Variants in SCN7A observed in about 807,000 individuals in gnomAD.
The protein encoded by SCN7A is sodium channel protein type 7 subunit alpha.
Under a neutral mutation model 155.2 loss-of-function variants are expected in SCN7A, and 138 were observed. The observed-to-expected ratio is 0.89, with a 90% confidence interval of 0.77 to 1.02. SCN7A has a LOEUF of 1.02. SCN7A is among the 50% of genes least tolerant of loss of function. The probability of loss-of-function intolerance (pLI) is 0.00; values close to 1 mark genes in which losing one functional copy is unlikely to be tolerated. For synonymous variants in SCN7A, 693 were observed against 649.0 expected (o/e 1.07, Z -1.03); for missense variants, 2,058 against 1,986.6 (o/e 1.04, Z -0.68).
chr2:166,417,444 G>C (rs1222975098), intron 20 of SCN7A, among the ~76,000 whole-genome samples: 1 of 152,122 alleles, frequency 6.6e-6, no homozygotes, highest in Non-Finnish European at 1.5e-5. Context: ...CTGAACTCCA[G>C]CATGGGCAAC....
chr2:166,470,790 T>C, intron 6 of SCN7A, 84 bp from the exon 7 acceptor site: 1 of 1,205,556 alleles, frequency 8.3e-7, no homozygotes, highest in Non-Finnish European at 1.1e-6. Flanking sequence ...TTGAAACTTA[T>C]TTTTAAAACC....
At chr2:166,485,888 A>G (rs1015424309) in intron 2 of SCN7A, among the ~76,000 whole-genome samples, 4 of 152,150 alleles carry the variant, frequency 2.6e-5, no homozygotes, top group African/African-American at 9.7e-5. Context: ...CTGGAATTCT[A>G]TTTCTAGTGG....
At chr2:166,460,505 G>A (rs905778518) in intron 10 of SCN7A, among the ~76,000 whole-genome samples, 4 of 152,072 alleles carry the variant, frequency 2.6e-5, no homozygotes, top group East Asian at 3.9e-4. Context: ...GAAAATAACC[G>A]GACAAGCAAC....
intron 2 of SCN7A, among the ~76,000 whole-genome samples, chr2:166,481,773 A>G (rs1355339096): frequency 2.0e-5 from 3 of 152,306 alleles, no homozygotes; most frequent in South Asian, 4.1e-4. Context: ...TGGAGAATGT[A>G]TAGTTGAGGT....
intron 2 of SCN7A, among the ~76,000 whole-genome samples, chr2:166,485,354 C>G (rs1304715157): frequency 6.6e-6 from 1 of 152,072 alleles, no homozygotes; most frequent in Non-Finnish European, 1.5e-5. Context: ...AAGGAACAGT[C>G]TAAGACATTA....
chr2:166,485,070 A>G (rs1211587062), intron 2 of SCN7A, among the ~76,000 whole-genome samples: 1 of 152,150 alleles, frequency 6.6e-6, no homozygotes, highest in Non-Finnish European at 1.5e-5. Flanking sequence ...TAATCAATGA[A>G]CTACTAATAC....
chr2:166,455,338 G>T (rs535122588), intron 11 of SCN7A, among the ~76,000 whole-genome samples: 2 of 151,806 alleles, frequency 1.3e-5, no homozygotes, highest in African/African-American at 4.8e-5. Context: ...GACACCTCTA[G>T]CACTGTGATT....
chr2:166,412,516 A>T lies in SCN7A; in HGVS notation c.3606+14T>A. On this transcript the variant is annotated intron_variant, in intron 23 of 25. Transcript: ENST00000643258. ...TTCTCAGACATTGGATAAACAAATA[A>T]TATTTATACTTATCTTTATTTTATG... The T allele has an allele frequency of 7.0e-7, 1 of 1,428,348 alleles. No individual in the cohort carries two copies. The highest frequency in any genetic ancestry group is 9.1e-7 in the Non-Finnish European group (1 of 1,092,942). The allele number at this position is 1,428,348 out of a possible 1,614,324, so 88.5% of individuals were successfully genotyped here. A position where few individuals can be genotyped will look rare whatever the true frequency, so the allele number is the denominator to read the frequency against.
chr2:166,440,438 T>C (rs1307286677), intron 15 of SCN7A: 2 of 152,158 alleles, frequency 1.3e-5, no homozygotes, highest in Non-Finnish European at 2.9e-5. Flanking sequence ...GGAGTCTGCA[T>C]TTCTAACCAC....
chr2:166,474,316 G>A lies in SCN7A; in HGVS notation c.263C>T (p.Thr88Ile), dbSNP rs1180487694. ...GGAAGCCGCATTGAATCTGAAGATT[G>A]TTCTATTTTTATTTAATACTATGAA... ...NTFIVLNKNR[T>I]IFRFNAASIL... The change falls in exon 4 of 26, where the codon ACA becomes ATA. Residue 88 changes from threonine to isoleucine, a missense_variant. By Grantham distance (89) the Thr-to-Ile change is moderately conservative. Transcript: ENST00000643258. 2 of 1,518,544 alleles carry A rather than the reference G, an allele frequency of 1.3e-6. No individual in the cohort carries two copies. Among genetic ancestry groups the A allele is most frequent in the Non-Finnish European group, 1.8e-6 (2 of 1,125,082 alleles). 94.1% of individuals were successfully genotyped at this position (1,518,544 alleles called of 1,614,324 possible). A position where few individuals can be genotyped will look rare whatever the true frequency, so the allele number is the denominator to read the frequency against.
intron 8 of SCN7A, 94 bp from the exon 9 acceptor site, chr2:166,465,625 T>A: frequency 8.2e-7 from 1 of 1,220,440 alleles, no homozygotes; most frequent in Non-Finnish European, 1.2e-6. Context: ...CTAAAATACC[T>A]TTCTGCAATT....
chr2:166,420,352 GTAAT>G (rs1414830873), intron 20 of SCN7A, among the ~76,000 whole-genome samples: 1 of 151,952 alleles, frequency 6.6e-6, no homozygotes, highest in African/African-American at 2.4e-5. Flanking sequence ...ATATTACGTA[GTAAT>G]TAAAGTGGCA....
intron 3 of SCN7A, among the ~76,000 whole-genome samples, chr2:166,475,286 C>T (rs530744895): frequency 9.4e-5 from 14 of 148,310 alleles, no homozygotes; most frequent in Non-Finnish European, 2.1e-4. Flanking sequence ...TAACATATAA[C>T]ATACTGAAAC....
Position 166,444,821 on chromosome 2 carries a change from T to C in SCN7A, c.1567A>G (p.Thr523Ala), listed in dbSNP as rs766974965. ...TTACTCATTGGATAATGCTCCAAGG[T>C]CAGAAAACATACGTTTAAAATTATG... ...ICIILNVCFL[T>A]LEHYPMSKQT... Residue 523 changes from threonine (T) to alanine (A), a missense_variant, in exon 13 of 26, where the codon ACC (threonine) becomes GCC (alanine). Physicochemically the swap from Thr to Ala is moderately conservative, Grantham distance 58. Transcript: ENST00000643258. The C allele has an allele frequency of 3.3e-5, 53 of 1,609,376 alleles. 2 individuals carry two copies. The South Asian group carries it at 5.4e-4, about 16-fold the overall frequency.
At chr2:166,485,273 G>A (rs980652642) in intron 2 of SCN7A, among the ~76,000 whole-genome samples, 1 of 152,142 alleles carries the variant, frequency 6.6e-6, no homozygotes, top group African/African-American at 2.4e-5. Context: ...AACACTGGTG[G>A]ATCTGGTTCT....
chr2:166,472,804 G>C (rs998582363), intron 5 of SCN7A, among the ~76,000 whole-genome samples: 1 of 151,404 alleles, frequency 6.6e-6, no homozygotes, highest in Non-Finnish European at 1.5e-5. Context: ...CTCCAGCTTT[G>C]TTTTTTTTGC....
chr2:166,414,187 A>AC (rs1268499570), intron 21 of SCN7A, among the ~76,000 whole-genome samples: 4 of 22,694 alleles, frequency 1.8e-4, no homozygotes, highest in African/African-American at 6.4e-4. Flanking sequence ...AAATATATAT[A>AC]ATATATAATA....
chr2:166,475,095 C>CGTATATATGT (rs1559125101), intron 3 of SCN7A, among the ~76,000 whole-genome samples: 5 of 84,502 alleles, frequency 5.9e-5, no homozygotes, highest in African/African-American at 1.2e-4. Context: ...TATATATACA[C>CGTATATATGT]ATATATATGT....
At chr2:166,456,741 G>A in intron 11 of SCN7A, 129 bp downstream of exon 11, 2 of 456,700 alleles carry the variant, frequency 4.4e-6, no homozygotes, top group Admixed American at 4.0e-5. Context: ...GCAATGAACT[G>A]TCTTAACAGA....
Sources: allele counts gnomAD v4.1 joint callset (sites outside exome capture counted in the v4.1 genomes callset), GRCh38; gene constraint gnomAD v4.1.1; transcripts MANE v1.5; gene names NCBI Gene and HGNC (gene_info 2026-07-23, HGNC 2026-07-21).